MGST1: variants seen among roughly 807,000 people sequenced by gnomAD.
MGST1 encodes microsomal glutathione S-transferase 1, also known as glutathione S-transferase 12.
MGST1 carries 5 observed loss-of-function variants against 8.9 expected under a neutral mutation model. The observed-to-expected ratio is 0.56, with a 90% confidence interval of 0.29 to 1.19. The LOEUF is 1.19. Ranked by LOEUF, MGST1 falls within the 50% of genes most tolerant of loss-of-function variation. The probability of loss-of-function intolerance (pLI) is 0.08; values close to 1 mark genes in which losing one functional copy is unlikely to be tolerated. For missense variants in MGST1, 182 were observed against 187.4 expected, an observed-to-expected ratio of 0.97 and a Z score of 0.17; for synonymous variants, 54 against 67.8, an observed-to-expected ratio of 0.80 and a Z score of 1.00.
chr12:16,427,007 T>A (rs1459598804), intron 1 of MGST1, among the ~76,000 whole-genome samples: 2 of 151,440 alleles, frequency 1.3e-5, no homozygotes, highest in Non-Finnish European at 1.5e-5. Flanking sequence ...AACAGAATTA[T>A]ATTCATTCAT....
At position 16,548,625 on chromosome 12, in the gene MGST1, A is replaced by C. The variant is rs1183351874; in HGVS notation, n.483-40903A>C. 1 of 152,178 alleles carries C rather than the reference A, an allele frequency of 6.6e-6. No homozygotes were observed. Among genetic ancestry groups the C allele is most frequent in the Non-Finnish European group, 1.5e-5 (1 of 68,032 alleles). The allele number at this position is 152,178 out of a possible 1,614,324, so 9.4% of individuals were successfully genotyped here. A position where few individuals can be genotyped will look rare whatever the true frequency, so the allele number is the denominator to read the frequency against. On this transcript the variant is annotated intron_variant and non_coding_transcript_variant, in intron 4 of 4. Coordinates refer to the MGST1 transcript ENST00000538857. The surrounding 1 kb of genome is among the most constrained non-coding windows in gnomAD (Gnocchi z 4.2). Reference sequence around the variant, plus strand: ...GGAGGTGTCCTACTGGAGGCATCAGACAACAAGCTAAATGACGTTAGGGCT... The same window carrying C: ...GGAGGTGTCCTACTGGAGGCATCAGCCAACAAGCTAAATGACGTTAGGGCT...
At position 16,410,097 on chromosome 12, in the gene MGST1, C is replaced by T. The variant is rs909976388; in HGVS notation, n.778+26493C>T. On this transcript the variant is annotated intron_variant and non_coding_transcript_variant, in intron 1 of 1. Transcript: ENST00000359720. The surrounding 1 kb of genome is among the most constrained non-coding windows in gnomAD (Gnocchi z 4.4). Reference sequence around the variant, plus strand: ...GAGCTTTCTCTTTGCTGTTCATAATCTGCAAGGGTCTGAGTAATGAAGTTT... The same window carrying T: ...GAGCTTTCTCTTTGCTGTTCATAATTTGCAAGGGTCTGAGTAATGAAGTTT... Among the ~76,000 whole-genome samples, 1 of 152,126 alleles carries T rather than the reference C, an allele frequency of 6.6e-6. No individual in the cohort carries two copies. Among genetic ancestry groups the T allele is most frequent in the Non-Finnish European group, 1.5e-5 (1 of 68,022 alleles).
At chr12:16,419,728 C>T (rs1033935812) in intron 1 of MGST1, among the ~76,000 whole-genome samples, 1 of 152,078 alleles carries the variant, frequency 6.6e-6, no homozygotes, top group Non-Finnish European at 1.5e-5. Context: ...CTAAGAATAG[C>T]TTGGAAGGTT....
At chr12:16,431,678 A>T (rs185069895) in intron 1 of MGST1, among the ~76,000 whole-genome samples, 9 of 152,230 alleles carry the variant, frequency 5.9e-5, no homozygotes, top group Non-Finnish European at 1.0e-4. Context: ...ATCACAGCAG[A>T]TATAATAATA....
chr12:16,567,767 A>C (rs1362570580), intron 4 of MGST1, among the ~76,000 whole-genome samples: 2 of 152,020 alleles, frequency 1.3e-5, no homozygotes, highest in Non-Finnish European at 2.9e-5. Context: ...TGGTATTTTA[A>C]GAGAATCCTC....
chr12:16,399,512 T>C (rs1940634767), intron 1 of MGST1: 1 of 1,525,876 alleles, frequency 6.6e-7, no homozygotes, highest in Admixed American at 1.7e-5. Context: ...TAGAAGAGTC[T>C]GACTCTTCTG....
In MGST1 at chr12:16,566,039, T is replaced by TATAA. The variant is rs1565488437; in HGVS notation, n.483-23488_483-23487insTAAA. On this transcript the variant is annotated intron_variant and non_coding_transcript_variant, in intron 4 of 4. Transcript: ENST00000538857. ...ATATATATATATATATATATATATATAAAATGGAGTACTATTCAGCCATAA... is the reference window on the plus strand; with the variant it reads ...ATATATATATATATATATATATATATATAAAAAATGGAGTACTATTCAGCCATAA... 2.2e-4 allele frequency among the ~76,000 whole-genome samples: 19 copies of TATAA among 86,522 alleles called. 2 individuals are homozygous for TATAA. Among genetic ancestry groups the TATAA allele is most frequent in the Non-Finnish European group, 3.2e-4 (14 of 44,258 alleles). 56.8% of individuals were successfully genotyped at this position (86,522 alleles called of 152,430 possible). A position where few individuals can be genotyped will look rare whatever the true frequency, so the allele number is the denominator to read the frequency against.
chr12:16,439,609 A>C (rs1180529843), downstream of MGST1, among the ~76,000 whole-genome samples: 1 of 151,750 alleles, frequency 6.6e-6, no homozygotes, highest in Non-Finnish European at 1.5e-5. Context: ...CCTTATGGTA[A>C]TATTTCTCAA....
intron 1 of MGST1, among the ~76,000 whole-genome samples, chr12:16,407,133 A>G (rs905591217): frequency 1.3e-5 from 2 of 152,228 alleles, no homozygotes; most frequent in South Asian, 2.1e-4. Flanking sequence ...GAGACAACCT[A>G]CAGAATAGGA....
intron 4 of MGST1, among the ~76,000 whole-genome samples, chr12:16,563,602 C>T (rs1942481659): frequency 6.6e-6 from 1 of 152,106 alleles, no homozygotes; most frequent in Non-Finnish European, 1.5e-5. Flanking sequence ...TTCCTCTGCA[C>T]TCTTTACTCC....
At chr12:16,382,490 C>T (rs558323664), upstream of MGST1, among the ~76,000 whole-genome samples, 1 of 152,240 alleles carries the variant, frequency 6.6e-6, no homozygotes, top group Admixed American at 6.5e-5. Context: ...CCTGATCGTT[C>T]CTCTGGAGGT....
At chr12:16,553,121 T>G (rs1315968730) in intron 4 of MGST1, among the ~76,000 whole-genome samples, 1 of 152,118 alleles carries the variant, frequency 6.6e-6, no homozygotes, top group African/African-American at 2.4e-5. Flanking sequence ...ATGCTAAGCA[T>G]GTATGTACAT....
chr12:16,559,578 A>G lies in MGST1; in HGVS notation n.483-29950A>G, dbSNP rs1942314299. Among the ~76,000 whole-genome samples the G allele has an allele frequency of 6.6e-6, 1 of 152,194 alleles. No homozygotes were observed. The highest frequency in any genetic ancestry group is 1.5e-5 in the Non-Finnish European group (1 of 68,036). ...CAATGATAATAATTGTTTAATTATTAGCTATATCTGGACTGATTCTCAAAG... is the reference window on the plus strand; with the variant it reads ...CAATGATAATAATTGTTTAATTATTGGCTATATCTGGACTGATTCTCAAAG... On this transcript the variant is annotated intron_variant and non_coding_transcript_variant, in intron 4 of 4. Coordinates refer to the MGST1 transcript ENST00000538857. The surrounding 1 kb of genome is among the most constrained non-coding windows in gnomAD (Gnocchi z 4.1).
At chr12:16,520,682 C>A (rs1204906395) in intron 4 of MGST1, among the ~76,000 whole-genome samples, 1 of 152,150 alleles carries the variant, frequency 6.6e-6, no homozygotes, top group Non-Finnish European at 1.5e-5. Flanking sequence ...TCTTCTCCCT[C>A]ATCTCTATTA....
chr12:16,519,695 T>A (rs1004798030), intron 4 of MGST1, among the ~76,000 whole-genome samples: 1 of 152,212 alleles, frequency 6.6e-6, no homozygotes, highest in African/African-American at 2.4e-5. Context: ...TAACTCCACC[T>A]TTCTCATTAT....
At chr12:16,383,098 T>A (rs1423538174) in exon 1 of MGST1, 2 of 152,588 alleles carry the variant, frequency 1.3e-5, no homozygotes, top group African/African-American at 4.8e-5. Context: ...ACTTCCTGGG[T>A]GAGGCGATGC....
chr12:16,554,403 T>A (rs1942107690), intron 4 of MGST1, among the ~76,000 whole-genome samples: 1 of 152,210 alleles, frequency 6.6e-6, no homozygotes, highest in Non-Finnish European at 1.5e-5. Context: ...GTCTATACTT[T>A]CCTATTCCAC....
chr12:16,485,840 AT>A (rs1259845367), intron 4 of MGST1, among the ~76,000 whole-genome samples: 1 of 152,228 alleles, frequency 6.6e-6, no homozygotes, highest in Non-Finnish European at 1.5e-5. Context: ...TAAGCATTCA[AT>A]TCAAGAAAGT....
At chr12:16,533,933 G>A (rs1304007438) in intron 4 of MGST1, among the ~76,000 whole-genome samples, 1 of 152,156 alleles carries the variant, frequency 6.6e-6, no homozygotes, top group African/African-American at 2.4e-5. Context: ...AACAGCATAG[G>A]TAGGAACAGG....
Sources: gnomAD v4.1 joint callset for allele counts (sites outside exome capture counted in the v4.1 genomes callset) on GRCh38, gnomAD v4.1.1 for gene constraint, Gnocchi (gnomAD v3.1) non-coding constraint, MANE v1.5 for transcripts, NCBI Gene and HGNC (gene_info 2026-07-23, HGNC 2026-07-21) for gene names.